Variants in IRF8 observed in about 807,000 individuals in gnomAD.
IRF8 encodes the protein interferon consensus sequence binding protein 1.
Under a neutral mutation model 48.7 loss-of-function variants are expected in IRF8, and 14 were observed. The observed-to-expected ratio is 0.29, with a 90% CI of 0.19 to 0.45. IRF8 has a LOEUF of 0.45. IRF8 is among the 20% of genes least tolerant of loss of function. The pLI, the probability that IRF8 is intolerant of heterozygous loss-of-function variation, is 1.00. For synonymous variants in IRF8, 278 were observed against 227.3 expected, an observed-to-expected ratio of 1.22 and a Z score of -2.01; for missense variants, 493 against 580.7, an observed-to-expected ratio of 0.85 and a Z score of 1.55.
intron 3 of IRF8, among the ~76,000 whole-genome samples, chr16:85,911,304 G>C (rs1905134729): frequency 6.6e-6 from 1 of 152,182 alleles, no homozygotes; most frequent in African/African-American, 2.4e-5. Context: ...GAAAATAGAA[G>C]AAAGAGACCA....
At chr16:85,920,055 G>A in intron 7 of IRF8, 54 bp from the exon 8 acceptor site, 1 of 1,295,634 alleles carries the variant, frequency 7.7e-7, no homozygotes, top group Non-Finnish European at 1.1e-6. Context: ...TGCTGCGGGA[G>A]TTGGAGGTCA....
intron 2 of IRF8, among the ~76,000 whole-genome samples, chr16:85,908,298 T>C (rs1052904244): frequency 6.6e-6 from 1 of 152,240 alleles, no homozygotes; most frequent in Admixed American, 6.5e-5. Context: ...AAATCTGTAC[T>C]GCCCCATTCT....
intron 3 of IRF8, chr16:85,909,492 A>G (rs553159992): frequency 8.9e-5 from 34 of 380,040 alleles, no homozygotes; most frequent in South Asian, 7.4e-4. Context: ...AGCAGCTTGC[A>G]GAGGAGGCCA....
intron 2 of IRF8, among the ~76,000 whole-genome samples, chr16:85,906,612 G>C: frequency 6.6e-6 from 1 of 152,246 alleles, no homozygotes; most frequent in East Asian, 1.9e-4. Flanking sequence ...GCGTGAACGA[G>C]TGAGTATGGC....
chr16:85,915,220 G>T (rs1295435361), intron 6 of IRF8, among the ~76,000 whole-genome samples: 1 of 152,262 alleles, frequency 6.6e-6, no homozygotes, highest in Non-Finnish European at 1.5e-5. Flanking sequence ...TCTGCCAGCT[G>T]CCCCTGGAAG....
intron 6 of IRF8, 129 bp downstream of exon 6, chr16:85,914,649 G>A (rs1905245862): frequency 1.9e-6 from 2 of 1,029,794 alleles, no homozygotes; most frequent in Admixed American, 2.0e-5. Context: ...TGGTTCCAAG[G>A]ATGAGCAGGA....
chr16:85,908,845 C>T lies in IRF8; in HGVS notation c.175-145C>T, dbSNP rs1313771134. The T allele has an allele frequency of 1.4e-5, 11 of 780,932 alleles. No homozygotes were observed. In the East Asian group the frequency reaches 2.0e-4, roughly 14 times the overall value. The allele number at this position is 780,932 out of a possible 1,614,324, so 48.4% of individuals were successfully genotyped here. On this transcript the variant is annotated intron_variant, in intron 2 of 8. Transcript: ENST00000268638. ...AAGACTCAAGACATCTGATTGGAGT[C>T]TCTTTGGGTCCTGAAATTGAATGAG... is the stretch of plus-strand genomic sequence containing the variant.
chr16:85,911,483 T>C, intron 3 of IRF8, 87 bp from the exon 4 acceptor site: 1 of 1,141,804 alleles, frequency 8.8e-7, no homozygotes, highest in Non-Finnish European at 1.3e-6. Flanking sequence ...TTCCTTAAAC[T>C]CAGCATTTAC....
chr16:85,899,396 C>G (rs1164092692), intron 1 of IRF8, among the ~76,000 whole-genome samples, 173 bp downstream of exon 1: 3 of 152,252 alleles, frequency 2.0e-5, no homozygotes, highest in Non-Finnish European at 4.4e-5. Context: ...CCACCTAAGT[C>G]CAATCTGAAT....
chr16:85,917,562 TG>T (rs1183011232), intron 6 of IRF8, among the ~76,000 whole-genome samples: 1 of 152,244 alleles, frequency 6.6e-6, no homozygotes, highest in Non-Finnish European at 1.5e-5. Context: ...TAGGTAATAC[TG>T]TCTGGCTAGA....
At chr16:85,910,103 T>C (rs928415108) in intron 3 of IRF8, among the ~76,000 whole-genome samples, 16 of 152,324 alleles carry the variant, frequency 1.1e-4, no homozygotes, top group African/African-American at 3.4e-4. Context: ...GAAGTTAAAA[T>C]GGTGATTCAA....
chr16:85,908,960 A>T (rs1262062609), intron 2 of IRF8, 30 bp from the exon 3 acceptor site: 1 of 1,600,112 alleles, frequency 6.2e-7, no homozygotes, highest in Non-Finnish European at 8.6e-7. Context: ...GTCGGCCATG[A>T]ATTTAATGTG....
chr16:85,905,649 T>C (rs1904977264), intron 2 of IRF8, among the ~76,000 whole-genome samples: 1 of 152,142 alleles, frequency 6.6e-6, no homozygotes, highest in Admixed American at 6.5e-5. Flanking sequence ...CTTCTTCCCA[T>C]CCATCCTCTG....
At chr16:85,909,209 G>C in intron 3 of IRF8, 36 bp downstream of exon 3, 2 of 1,585,570 alleles carry the variant, frequency 1.3e-6, no homozygotes, top group South Asian at 2.2e-5. Context: ...CCTTCCAGAA[G>C]CTGCCCTGGC....
At position 85,921,420 on chromosome 16, in the gene IRF8, A is replaced by C; in HGVS notation, c.*138A>C. 1.1e-6 allele frequency: 1 copy of C among 915,806 alleles called. No individual in the cohort carries two copies. The highest frequency in any genetic ancestry group is 1.4e-5 in the South Asian group (1 of 73,830). 56.7% of individuals were successfully genotyped at this position (915,806 alleles called of 1,614,324 possible). On this transcript the variant is annotated 3_prime_UTR_variant, in exon 9 of 9. Transcript: ENST00000268638. ...ACTTTGCACTTAATTTAATAAGGGC[A>C]TTCTCGGAGGAGTAGACGTTTAATA...
rs1361903859 is a variant in IRF8, at chr16:85,918,587, A to G, written c.772A>G (p.Ile258Val). Reference protein sequence around the residue: ...ELVRFPPADAIPSERQRQVTR... With the variant: ...ELVRFPPADAVPSERQRQVTR... ...GGTGCGCTTCCCGCCGGCCGACGCC[A>G]TCCCCAGCGAGCGACAGAGGCAGGT... The change falls in exon 7 of 9, where the codon ATC becomes GTC. Residue 258 changes from isoleucine (I) to valine (V), a missense_variant. Transcript: ENST00000268638. 10 of 1,606,564 alleles carry G rather than the reference A, an allele frequency of 6.2e-6. No homozygotes were observed. The highest frequency in any genetic ancestry group is 8.5e-6 in the Non-Finnish European group (10 of 1,179,336).
At chr16:85,907,724 A>C (rs305081) in intron 2 of IRF8, among the ~76,000 whole-genome samples, 2,277 of 152,292 alleles carry the variant, frequency 0.015, 77 homozygotes, top group African/African-American at 0.051. Context: ...ATAAAAAAAG[A>C]CAGCTACCGA....
intron 1 of IRF8, among the ~76,000 whole-genome samples, chr16:85,900,226 G>C (rs1404891258): frequency 2.0e-5 from 3 of 152,178 alleles, no homozygotes; most frequent in Non-Finnish European, 4.4e-5. Flanking sequence ...GCTGCTGCCA[G>C]CTCAGGTGTG....
chr16:85,908,961 A>T (rs975160223), intron 2 of IRF8, 29 bp from the exon 3 acceptor site: 1 of 1,603,736 alleles, frequency 6.2e-7, no homozygotes, highest in Non-Finnish European at 8.5e-7. Context: ...TCGGCCATGA[A>T]TTTAATGTGC....
Sources: gnomAD v4.1 joint callset for allele counts (sites outside exome capture counted in the v4.1 genomes callset) on GRCh38, gnomAD v4.1.1 for gene constraint, MANE v1.5 for transcripts, NCBI Gene and HGNC (gene_info 2026-07-23, HGNC 2026-07-21) for gene names.